Variants in UTRN observed in about 807,000 individuals in gnomAD.
UTRN encodes the protein dystrophin-related protein 1.
Under a neutral mutation model 463.9 loss-of-function variants are expected in UTRN, and 283 were observed. That is an observed-to-expected ratio of 0.61 (90% CI 0.55 to 0.67). The LOEUF (loss-of-function observed/expected upper bound fraction) is 0.67. UTRN is among the 30% of genes least tolerant of loss of function. The pLI, the probability that UTRN is intolerant of heterozygous loss-of-function variation, is 0.00. For missense variants in UTRN, 3,922 were observed against 4,084.3 expected (o/e 0.96, Z 1.08); for synonymous variants, 1,442 against 1,431.5 (o/e 1.01, Z -0.17).
rs368474669 is a variant in UTRN at position 144,408,105 on chromosome 6, T to C, written c.141+4921T>C. ...TATTGAGGCATTGCTGAGAAGTGTATAGGAGATGATAATTACTTAGGAATG... is the reference window on the plus strand; with the variant it reads ...TATTGAGGCATTGCTGAGAAGTGTACAGGAGATGATAATTACTTAGGAATG... On this transcript the variant is annotated intron_variant, in intron 3 of 74. Transcript: ENST00000367545. Among the ~76,000 whole-genome samples, 49 of 152,284 alleles carry C rather than the reference T, an allele frequency of 3.2e-4. 1 individual carries two copies. The South Asian group carries it at 8.3e-3, about 26-fold the overall frequency.
rs182343717 is a variant in UTRN, at chr6:144,692,144, T to C, written c.7653-7943T>C. 4.8e-4 allele frequency among the ~76,000 whole-genome samples: 73 copies of C among 152,334 alleles called. No individual in the cohort carries two copies. In the East Asian group the frequency reaches 0.012, roughly 26 times the overall value. On this transcript the variant is annotated intron_variant, in intron 52 of 74. Coordinates refer to ENST00000367545, the MANE Select transcript of UTRN (RefSeq NM_007124.3). ...ACTTATAAGTGAAGACATGTGGTAT[T>C]TGGTTTTCTGTTCCTGCATTAGTTT...
At chr6:144,493,670 A>G (rs1793282155) in intron 33 of UTRN, among the ~76,000 whole-genome samples, 1 of 152,214 alleles carries the variant, frequency 6.6e-6, no homozygotes, top group African/African-American at 2.4e-5. Context: ...ATTCATAGTT[A>G]CATAGAAATT....
rs536152279 is a variant in UTRN, at chr6:144,503,809, G to A, written c.4764+4382G>A. On this transcript the variant is annotated intron_variant, in intron 34 of 74. Coordinates refer to ENST00000367545, the MANE Select transcript of UTRN (RefSeq NM_007124.3). ...AGTCAATGGTAGCTTGATGGGAATA[G>A]CATTGAATCTAAAAATTACTTTGAG... 1.2e-4 allele frequency among the ~76,000 whole-genome samples: 18 copies of A among 152,214 alleles called. No individual in the cohort carries two copies. The South Asian group carries it at 3.5e-3, about 30-fold the overall frequency.
chr6:144,517,271 T>C (rs1453472671), intron 39 of UTRN, among the ~76,000 whole-genome samples: 1 of 152,124 alleles, frequency 6.6e-6, no homozygotes, highest in Non-Finnish European at 1.5e-5. Context: ...AAAAAATTTC[T>C]AGTTTAAAAA....
At chr6:144,827,828 T>A in intron 68 of UTRN, 152 bp downstream of exon 68, 1 of 940,726 alleles carries the variant, frequency 1.1e-6, no homozygotes. Flanking sequence ...GCTCTCATAT[T>A]TTCATGACAC....
chr6:144,339,423 AAGACC>A (rs1186199609), intron 2 of UTRN, among the ~76,000 whole-genome samples: 6 of 152,188 alleles, frequency 3.9e-5, no homozygotes, highest in African/African-American at 1.4e-4. Flanking sequence ...AAATTTGAAA[AAGACC>A]TATAGATTAG....
intron 51 of UTRN, among the ~76,000 whole-genome samples, chr6:144,606,434 T>A (rs1003973114): frequency 1.1e-4 from 17 of 152,248 alleles, no homozygotes; most frequent in Non-Finnish European, 2.2e-4. Context: ...AATTAGCTAA[T>A]GCTCAGTTTA....
At chr6:144,573,082 T>G (rs1320553518) in intron 50 of UTRN, among the ~76,000 whole-genome samples, 2 of 152,176 alleles carry the variant, frequency 1.3e-5, no homozygotes, top group Non-Finnish European at 2.9e-5. Context: ...TTTTAGTAAT[T>G]GCCATTCTAA....
chr6:144,453,937 C>A lies in UTRN; in HGVS notation c.2284+68C>A, dbSNP rs932017510. ...GCATCGAATAATATTACAGTTTGCC[C>A]TATTAAATATTTTGCTTTAATACTC... On this transcript the variant is annotated intron_variant, in intron 19 of 74. Coordinates refer to ENST00000367545, the MANE Select transcript of UTRN (RefSeq NM_007124.3). 13 of 1,406,498 alleles carry A rather than the reference C, an allele frequency of 9.2e-6. 1 individual carries two copies. In the South Asian group the frequency reaches 1.8e-4, roughly 19 times the overall value. 87.1% of individuals were successfully genotyped at this position (1,406,498 alleles called of 1,614,324 possible). A position where few individuals can be genotyped will look rare whatever the true frequency, so the allele number is the denominator to read the frequency against.
At chr6:144,507,639 T>C (rs1198012331) in intron 34 of UTRN, among the ~76,000 whole-genome samples, 3 of 152,058 alleles carry the variant, frequency 2.0e-5, no homozygotes, top group African/African-American at 7.2e-5. Context: ...TCTGGAAGCT[T>C]CGTTTCAGAG....
intron 50 of UTRN, among the ~76,000 whole-genome samples, chr6:144,559,183 C>A (rs892696922): frequency 6.6e-6 from 1 of 151,754 alleles, no homozygotes; most frequent in Non-Finnish European, 1.5e-5. Flanking sequence ...ATGGAAGAGG[C>A]AATTAAAAAT....
Position 144,473,727 on chromosome 6 carries a change from C to T in UTRN, c.3074C>T (p.Ser1025Leu), listed in dbSNP as rs373440609. 3.7e-6 allele frequency: 6 copies of T among 1,613,748 alleles called. No homozygotes were observed. Among genetic ancestry groups the T allele is most frequent in the Non-Finnish European group, 5.1e-6 (6 of 1,179,872 alleles). ...GTTATCATGTTCGATTAGGCCGATT[C>T]AACAGTCATTGAGAAGTGGATGGAT... ...ALTLRAFEAD[S>L]TVIEKWMDGV... The change falls in exon 24 of 75, where the codon TCA (serine) becomes TTA (leucine). Residue 1025 changes from serine to leucine, a missense_variant. Physicochemically the swap from Ser to Leu is moderately radical, Grantham distance 145. Around this residue, in one of 3 missense-constraint regions of UTRN, gnomAD observed 2,349 missense variants for 2,303.8 expected, o/e 1.02. Transcript: ENST00000367545.
At chr6:144,488,204 A>G (rs1000136434) in intron 29 of UTRN, among the ~76,000 whole-genome samples, 1 of 152,342 alleles carries the variant, frequency 6.6e-6, no homozygotes, top group Admixed American at 6.5e-5. Context: ...AATAACATCA[A>G]GCTTAACCCA....
chr6:144,670,851 T>G (rs888196705), intron 51 of UTRN, among the ~76,000 whole-genome samples: 1 of 152,214 alleles, frequency 6.6e-6, no homozygotes, highest in Non-Finnish European at 1.5e-5. Context: ...TTCTTCTACA[T>G]GTGGCTTACC....
Position 144,620,334 on chromosome 6 carries a change from C to T in UTRN, c.7479+43046C>T, listed in dbSNP as rs117020659. Among the ~76,000 whole-genome samples, 1,324 of 152,164 alleles carry T rather than the reference C, an allele frequency of 8.7e-3. 16 individuals are homozygous for T. The highest frequency in any genetic ancestry group is 0.015 in the Non-Finnish European group (995 of 67,992). ...AACTCTGATGCCTGGGTAAATTAAT[C>T]GGGGTGTGCATGCCATTGCCCTTTT... On this transcript the variant is annotated intron_variant, in intron 51 of 74. Transcript: ENST00000367545.
intron 41 of UTRN, among the ~76,000 whole-genome samples, chr6:144,523,468 C>T (rs779959306): frequency 6.6e-6 from 1 of 152,144 alleles, no homozygotes; most frequent in Non-Finnish European, 1.5e-5. Flanking sequence ...CACCACCACG[C>T]CTGGCTAATT....
intron 57 of UTRN, among the ~76,000 whole-genome samples, chr6:144,756,180 C>G (rs1445294912): frequency 6.6e-6 from 1 of 152,102 alleles, no homozygotes; most frequent in Non-Finnish European, 1.5e-5. Flanking sequence ...TTCCAGATTT[C>G]TAAAGCTCAG....
chr6:144,690,005 A>G (rs1783156535), intron 52 of UTRN, among the ~76,000 whole-genome samples: 1 of 137,986 alleles, frequency 7.2e-6, no homozygotes, highest in South Asian at 2.4e-4. Context: ...GCTTTGCCTT[A>G]TGTTACCCAG....
At chr6:144,640,058 G>GAGATTGAGAGAC (rs57621685) in intron 51 of UTRN, among the ~76,000 whole-genome samples, 87,983 of 150,992 alleles carry the variant, frequency 0.58, 27,187 homozygotes, top group East Asian at 0.81. Context: ...GAGAGAGAGA[G>GAGATTGAGAGAC]AGATTGAGAG....
Sources: allele counts gnomAD v4.1 joint callset (sites outside exome capture counted in the v4.1 genomes callset), GRCh38; gene constraint gnomAD v4.1.1; regional missense constraint gnomAD v4.1.1; transcripts MANE v1.5; gene names NCBI Gene and HGNC (gene_info 2026-07-23, HGNC 2026-07-21).